Variants in KIF26B observed in about 807,000 individuals in gnomAD.
The protein encoded by KIF26B is kinesin-like protein KIF26B.
Under a neutral mutation model 151.2 loss-of-function variants are expected in KIF26B, and 63 were observed. That is an observed-to-expected ratio of 0.42 (90% CI 0.34 to 0.51). The LOEUF is 0.51. Ranked by LOEUF, KIF26B falls within the 20% of genes least tolerant of loss-of-function variation. The pLI is 0.07. For synonymous variants in KIF26B, 1,357 were observed against 1,262.1 expected (o/e 1.08, Z -1.59); for missense variants, 2,813 against 2,913.6 (o/e 0.97, Z 0.79).
intron 2 of KIF26B, among the ~76,000 whole-genome samples, chr1:245,266,566 G>T (rs1670749887): frequency 6.6e-6 from 1 of 151,310 alleles, no homozygotes; most frequent in African/African-American, 2.4e-5. Context: ...GGAGTGCAGT[G>T]GCGCAATCTT....
rs1044313867 is a variant in KIF26B, at chr1:245,563,995, C to T, written c.1350+23045C>T. 1.3e-5 allele frequency among the ~76,000 whole-genome samples: 2 copies of T among 152,174 alleles called. No individual in the cohort carries two copies. The highest frequency in any genetic ancestry group is 4.8e-5 in the African/African-American group (2 of 41,444). ...CTGAACCACCAGAATTAGGTTCCTC[C>T]ACACCAAATGTGATCATTTCATTTC... On this transcript the variant is annotated intron_variant, in intron 5 of 14. Coordinates refer to ENST00000407071, the MANE Select transcript of KIF26B (RefSeq NM_018012.4). This position sits in a 1 kb window ranked among gnomAD's most constrained non-coding sequence, Gnocchi z 4.6.
At chr1:245,427,366 G>A (rs1035434653) in intron 4 of KIF26B, among the ~76,000 whole-genome samples, 6 of 152,202 alleles carry the variant, frequency 3.9e-5, no homozygotes, top group African/African-American at 1.2e-4. Flanking sequence ...CCAGCACTTC[G>A]GGAGGCCGAG....
In KIF26B at chr1:245,244,441, T is replaced by A. The variant is rs1558359464; in HGVS notation, c.465+87758T>A. On this transcript the variant is annotated intron_variant, in intron 2 of 14. Coordinates refer to ENST00000407071, the MANE Select transcript of KIF26B (RefSeq NM_018012.4). The surrounding 1 kb of genome is among the most constrained non-coding windows in gnomAD (Gnocchi z 4.2). ...TCCGTGAAAGGGTGAGTATTTTGCT[T>A]TTAAAGTTCTGTGACTATGGGATGG... Among the ~76,000 whole-genome samples the A allele has an allele frequency of 6.6e-6, 1 of 152,124 alleles. No homozygotes were observed. Among genetic ancestry groups the A allele is most frequent in the Non-Finnish European group, 1.5e-5 (1 of 68,026 alleles).
At position 245,168,301 on chromosome 1, in the gene KIF26B, G is replaced by C. The variant is rs567481781; in HGVS notation, c.465+11618G>C. On this transcript the variant is annotated intron_variant, in intron 2 of 14. Transcript: ENST00000407071. ...ACCTCCTTGTCCGTCCAGCCAAGGGGAGGGACCGGAAGCCAAGCGGAGGGG... is the reference window on the plus strand; with the variant it reads ...ACCTCCTTGTCCGTCCAGCCAAGGGCAGGGACCGGAAGCCAAGCGGAGGGG... 9.3e-4 allele frequency among the ~76,000 whole-genome samples: 141 copies of C among 152,362 alleles called. 1 individual carries two copies. Among genetic ancestry groups the C allele is most frequent in the Middle Eastern group, 6.8e-3 (2 of 294 alleles).
intron 4 of KIF26B, among the ~76,000 whole-genome samples, chr1:245,460,531 C>T (rs1211932993): frequency 1.3e-5 from 2 of 152,090 alleles, no homozygotes; most frequent in African/African-American, 2.4e-5. Flanking sequence ...TATTTACCAC[C>T]CTAGCCTTTG....
intron 10 of KIF26B, among the ~76,000 whole-genome samples, chr1:245,647,511 T>A (rs1324208080): frequency 6.6e-6 from 1 of 152,064 alleles, no homozygotes; most frequent in Non-Finnish European, 1.5e-5. Flanking sequence ...AAAGTCTGGT[T>A]ACACCTATCT....
intron 9 of KIF26B, among the ~76,000 whole-genome samples, chr1:245,625,419 C>T (rs145945323): frequency 1.4e-4 from 21 of 152,266 alleles, no homozygotes; most frequent in African/African-American, 4.8e-4. Flanking sequence ...AGCACAGTAT[C>T]TCTCTCTAGT....
chr1:245,523,847 AT>A lies in KIF26B; in HGVS notation c.1167-16918del, dbSNP rs1249596952. Among the ~76,000 whole-genome samples the A allele has an allele frequency of 5.9e-5, 9 of 152,342 alleles. No individual in the cohort carries two copies. The South Asian group carries it at 6.2e-4, about 11-fold the overall frequency. ...CCTAACTTTGAAAGAACAAGGATTG[AT>A]TAATCCAATGTCAGCATACAGTATA... On this transcript the variant is annotated intron_variant, in intron 4 of 14. Coordinates refer to ENST00000407071, the MANE Select transcript of KIF26B (RefSeq NM_018012.4).
Position 245,194,318 on chromosome 1 carries a change from G to C in KIF26B, c.465+37635G>C, listed in dbSNP as rs113850161. On this transcript the variant is annotated intron_variant, in intron 2 of 14. Coordinates refer to ENST00000407071, the MANE Select transcript of KIF26B (RefSeq NM_018012.4). Reference sequence around the variant, plus strand: ...AGTTATGGAAAGGGAGGCCCTCTCTGAGCACGGTGCATGGGGTTAGAGTTG... The same window carrying C: ...AGTTATGGAAAGGGAGGCCCTCTCTCAGCACGGTGCATGGGGTTAGAGTTG... Among the ~76,000 whole-genome samples, 75 of 152,296 alleles carry C rather than the reference G, an allele frequency of 4.9e-4. No individual in the cohort carries two copies. The South Asian group carries it at 0.014, about 29-fold the overall frequency.
At chr1:245,389,169 G>T (rs4658762) in intron 3 of KIF26B, among the ~76,000 whole-genome samples, 2 of 152,014 alleles carry the variant, frequency 1.3e-5, no homozygotes, top group African/African-American at 4.8e-5. Flanking sequence ...GCTGGAGTGC[G>T]ATGGCATGGC....
chr1:245,468,210 A>C (rs79569759), intron 4 of KIF26B, among the ~76,000 whole-genome samples: 43 of 152,324 alleles, frequency 2.8e-4, no homozygotes, highest in African/African-American at 9.9e-4. Context: ...TTTATCTTCC[A>C]TAAGAACCCA....
chr1:245,395,514 C>T (rs550959240), intron 3 of KIF26B, among the ~76,000 whole-genome samples: 1 of 152,290 alleles, frequency 6.6e-6, no homozygotes, highest in African/African-American at 2.4e-5. Flanking sequence ...TGGACGCAGC[C>T]CTCTAGACCT....
intron 3 of KIF26B, among the ~76,000 whole-genome samples, chr1:245,387,175 G>GT (rs200463573): frequency 0.045 from 6,326 of 142,098 alleles, 426 homozygotes; most frequent in East Asian, 0.24. Flanking sequence ...TTTGTTTTTT[G>GT]TTTTTTGAGA....
chr1:245,246,130 G>C (rs1196133561), intron 2 of KIF26B, among the ~76,000 whole-genome samples: 1 of 151,718 alleles, frequency 6.6e-6, no homozygotes. Flanking sequence ...GGTTTGCAGA[G>C]TAACTTTGTG....
chr1:245,353,607 T>C (rs1672618605), intron 2 of KIF26B: 1 of 152,634 alleles, frequency 6.6e-6, no homozygotes, highest in Non-Finnish European at 1.5e-5. Flanking sequence ...GGGTGTGTAA[T>C]AGTTGGTTGC....
At chr1:245,548,741 G>A (rs1482257387) in intron 5 of KIF26B, among the ~76,000 whole-genome samples, 1 of 124,752 alleles carries the variant, frequency 8.0e-6, no homozygotes, top group Non-Finnish European at 1.7e-5. Context: ...CTCCCATTTT[G>A]CAACTTTTTT....
At chr1:245,626,083 G>A (rs1053699210) in intron 9 of KIF26B, among the ~76,000 whole-genome samples, 4 of 152,152 alleles carry the variant, frequency 2.6e-5, no homozygotes, top group African/African-American at 9.7e-5. Context: ...GTATTCCATT[G>A]TGTATACAGA....
intron 9 of KIF26B, among the ~76,000 whole-genome samples, chr1:245,640,122 G>GCGCTCTCTCTCTCTCTCT (rs1553299290): frequency 3.7e-5 from 2 of 53,984 alleles, no homozygotes; most frequent in African/African-American, 1.5e-4. Flanking sequence ...ACTAATATTT[G>GCGCTCTCTCTCTCTCTCT]CTCTCTCTCT....
intron 3 of KIF26B, among the ~76,000 whole-genome samples, chr1:245,395,408 G>A (rs1343303625): frequency 1.3e-5 from 2 of 152,184 alleles, no homozygotes; most frequent in East Asian, 3.9e-4. Flanking sequence ...AAACAAGTTA[G>A]GTGGTAGTAG....
Sources: gnomAD v4.1 joint callset for allele counts (sites outside exome capture counted in the v4.1 genomes callset) on GRCh38, gnomAD v4.1.1 for gene constraint, Gnocchi (gnomAD v3.1) non-coding constraint, MANE v1.5 for transcripts, NCBI Gene and HGNC (gene_info 2026-07-23, HGNC 2026-07-21) for gene names.